MCUB: variants seen among roughly 807,000 people sequenced by gnomAD.
MCUB encodes mitochondrial calcium uniporter dominant negative subunit beta, also known as calcium uniporter regulatory subunit MCUb, mitochondrial.
MCUB carries 46 observed loss-of-function variants against 41.4 expected under a neutral mutation model. The observed-to-expected ratio is 1.11, with a 90% CI of 0.88 to 1.42. The LOEUF is 1.42. Among genes scored for constraint, MCUB ranks in the 40% most tolerant of loss-of-function variants. MCUB has a pLI of 0.00. For synonymous variants in MCUB, 148 were observed against 148.2 expected, an observed-to-expected ratio of 1.00 and a Z score of 0.01; for missense variants, 403 against 404.9, an observed-to-expected ratio of 1.00 and a Z score of 0.04.
chr4:109,604,067 GTTAATCTATAACC>G (rs373373096), intron 1 of MCUB, among the ~76,000 whole-genome samples: 9 of 152,068 alleles, frequency 5.9e-5, no homozygotes, highest in African/African-American at 2.2e-4. Context: ...TTGGGATGCT[GTTAATCTATAACC>G]TTACCCCCAA....
intron 1 of MCUB, among the ~76,000 whole-genome samples, chr4:109,653,184 G>C (rs973882024): frequency 3.3e-5 from 5 of 152,076 alleles, no homozygotes; most frequent in Admixed American, 1.3e-4. Flanking sequence ...AGACCAGCCT[G>C]ACCAACCTGG....
intron 3 of MCUB, among the ~76,000 whole-genome samples, chr4:109,660,738 C>T (rs1348228597): frequency 1.3e-5 from 2 of 151,846 alleles, no homozygotes; most frequent in African/African-American, 4.8e-5. Flanking sequence ...ATTGCTTGAA[C>T]CCAGGAGGCA....
intron 1 of MCUB, among the ~76,000 whole-genome samples, chr4:109,569,497 C>CTTTTTTTTTTTTT (rs35808519): frequency 1.1e-5 from 1 of 87,174 alleles, no homozygotes; most frequent in Non-Finnish European, 2.0e-5. Context: ...TTGGCTATCC[C>CTTTTTTTTTTTTT]TTTTTTTTTT....
At chr4:109,686,565 C>T (rs1729843037) in intron 7 of MCUB, among the ~76,000 whole-genome samples, 1 of 152,198 alleles carries the variant, frequency 6.6e-6, no homozygotes, top group Non-Finnish European at 1.5e-5. Context: ...AAGGAATGTT[C>T]TTTCAGCTAG....
chr4:109,564,016 T>C (rs1726703042), intron 1 of MCUB, among the ~76,000 whole-genome samples: 1 of 152,220 alleles, frequency 6.6e-6, no homozygotes, highest in East Asian at 1.9e-4. Flanking sequence ...GTCTTCAAGA[T>C]TTTCCTCTCT....
intron 1 of MCUB, among the ~76,000 whole-genome samples, chr4:109,574,018 G>A (rs545622732): frequency 3.3e-5 from 5 of 151,648 alleles, no homozygotes; most frequent in Non-Finnish European, 5.9e-5. Flanking sequence ...GATTACAGGC[G>A]CGCCACCACC....
At chr4:109,678,004 G>A (rs1729612101) in intron 4 of MCUB, among the ~76,000 whole-genome samples, 1 of 151,438 alleles carries the variant, frequency 6.6e-6, no homozygotes, top group South Asian at 2.1e-4. Context: ...TTGAGATTAG[G>A]GAGTGGTGAT....
At chr4:109,582,379 G>A (rs1579049137) in intron 1 of MCUB, among the ~76,000 whole-genome samples, 1 of 111,986 alleles carries the variant, frequency 8.9e-6, no homozygotes, top group African/African-American at 3.4e-5. Context: ...GCCTGTTGTG[G>A]GGTGGGGGGA....
At chr4:109,637,887 T>C (rs1305593471) in intron 1 of MCUB, among the ~76,000 whole-genome samples, 1 of 152,196 alleles carries the variant, frequency 6.6e-6, no homozygotes, top group South Asian at 2.1e-4. Flanking sequence ...CCAAAACCCA[T>C]TGAAATAAAA....
chr4:109,663,465 A>G (rs1729270996), intron 3 of MCUB, among the ~76,000 whole-genome samples: 1 of 152,190 alleles, frequency 6.6e-6, no homozygotes, highest in Non-Finnish European at 1.5e-5. Context: ...AATTACTGTT[A>G]GAATCTCTCC....
chr4:109,685,411 GAA>G, intron 7 of MCUB, 44 bp downstream of exon 7: 1 of 811,930 alleles, frequency 1.2e-6, no homozygotes, highest in South Asian at 1.5e-5. Flanking sequence ...TTGGGAGCCA[GAA>G]CTTAGTATCA....
rs550913180 is a variant in MCUB at position 109,571,314 on chromosome 4, T to G, written c.99+10878T>G. On this transcript the variant is annotated intron_variant, in intron 1 of 7. Transcript: ENST00000394650. Reference sequence around the variant, plus strand: ...ACCTAATGATTAAACTTTATTTATTTATTTATTTATTTATTTGAGACTGAG... The same window carrying G: ...ACCTAATGATTAAACTTTATTTATTGATTTATTTATTTATTTGAGACTGAG... Among the ~76,000 whole-genome samples the G allele has an allele frequency of 2.4e-3, 368 of 152,174 alleles. 1 individual carries two copies. The highest frequency in any genetic ancestry group is 8.3e-3 in the African/African-American group (345 of 41,530).
intron 1 of MCUB, among the ~76,000 whole-genome samples, chr4:109,575,161 C>A (rs887706004): frequency 6.6e-6 from 1 of 152,146 alleles, no homozygotes; most frequent in African/African-American, 2.4e-5. Flanking sequence ...ATGTCAGAAA[C>A]CACTGAGGTT....
chr4:109,625,458 T>A (rs1728341569), intron 1 of MCUB, among the ~76,000 whole-genome samples: 1 of 152,240 alleles, frequency 6.6e-6, no homozygotes, highest in Non-Finnish European at 1.5e-5. Flanking sequence ...TGAGATATAT[T>A]CAACACTTTA....
At chr4:109,591,040 T>C (rs145860723) in intron 1 of MCUB, among the ~76,000 whole-genome samples, 8 of 152,306 alleles carry the variant, frequency 5.3e-5, no homozygotes, top group African/African-American at 1.7e-4. Context: ...TCTCAATACA[T>C]TGAAACTCGT....
chr4:109,685,010 C>T, intron 6 of MCUB: 1 of 402,816 alleles, frequency 2.5e-6, no homozygotes, highest in Non-Finnish European at 4.4e-6. Context: ...TTTCTTCCTT[C>T]TTCTTTCCCA....
chr4:109,652,395 CTCATT>C (rs1728981032), intron 1 of MCUB, among the ~76,000 whole-genome samples: 1 of 152,166 alleles, frequency 6.6e-6, no homozygotes, highest in South Asian at 2.1e-4. Flanking sequence ...ACCTGAAAAA[CTCATT>C]TCTTTCAGCC....
chr4:109,591,534 T>C (rs1277169923), intron 1 of MCUB, among the ~76,000 whole-genome samples: 2 of 151,906 alleles, frequency 1.3e-5, no homozygotes, highest in African/African-American at 4.8e-5. Context: ...AGTCACTCAA[T>C]TTGGTAGAAG....
intron 1 of MCUB, among the ~76,000 whole-genome samples, chr4:109,620,773 C>T (rs934916492): frequency 5.9e-5 from 9 of 152,078 alleles, no homozygotes; most frequent in Admixed American, 5.9e-4. Context: ...AGCCTCTTCC[C>T]CTAAGCTTTT....
Sources: gnomAD v4.1 joint callset for allele counts (sites outside exome capture counted in the v4.1 genomes callset) on GRCh38, gnomAD v4.1.1 for gene constraint, MANE v1.5 for transcripts, NCBI Gene and HGNC (gene_info 2026-07-23, HGNC 2026-07-21) for gene names.